The following PALM2AKAP2 variants were observed in gnomAD, a reference collection of about 807,000 sequenced individuals.
PALM2AKAP2 encodes PALM2-AKAP2 fusion protein.
PALM2AKAP2 carries 37 observed loss-of-function variants against 71.5 expected under a neutral mutation model. The observed-to-expected ratio is 0.52, with a 90% CI of 0.40 to 0.68. The LOEUF is 0.68. Ranked by LOEUF, PALM2AKAP2 falls within the 30% of genes least tolerant of loss-of-function variation. PALM2AKAP2 has a pLI of 0.00. For synonymous variants in PALM2AKAP2, 468 were observed against 478.8 expected (o/e 0.98, Z 0.29); for missense variants, 1,224 against 1,191.8 (o/e 1.03, Z -0.40).
intron 3 of PALM2AKAP2, among the ~76,000 whole-genome samples, chr9:109,918,502 G>A (rs1176465544): frequency 6.6e-6 from 1 of 152,156 alleles, no homozygotes; most frequent in Non-Finnish European, 1.5e-5. Flanking sequence ...CACAGCCTAC[G>A]GATCCTCAAT....
At chr9:109,806,207 C>T (rs1271622124) in intron 1 of PALM2AKAP2, among the ~76,000 whole-genome samples, 2 of 152,178 alleles carry the variant, frequency 1.3e-5, no homozygotes, top group African/African-American at 4.8e-5. Context: ...ATGCAGTAAA[C>T]ATAAAAACAA....
chr9:110,135,024 A>G (rs1276174039), intron 1 of PALM2AKAP2, among the ~76,000 whole-genome samples: 1 of 150,332 alleles, frequency 6.7e-6, no homozygotes, highest in African/African-American at 2.4e-5. Context: ...GTAGAAAAAT[A>G]AGATGGATGG....
chr9:110,157,665 G>T (rs1238311478), intron 3 of PALM2AKAP2, among the ~76,000 whole-genome samples: 1 of 152,148 alleles, frequency 6.6e-6, no homozygotes, highest in Non-Finnish European at 1.5e-5. Flanking sequence ...CTCCTAAAGT[G>T]CTGGGATTAC....
intron 6 of PALM2AKAP2, among the ~76,000 whole-genome samples, chr9:109,987,216 C>T (rs535283948): frequency 2.6e-5 from 4 of 152,220 alleles, no homozygotes; most frequent in South Asian, 2.1e-4. Context: ...CTACAACCTC[C>T]ACCTCCTGGA....
chr9:109,682,063 T>C (rs1030599247), intron 1 of PALM2AKAP2, among the ~76,000 whole-genome samples: 51 of 152,296 alleles, frequency 3.3e-4, no homozygotes, highest in African/African-American at 1.2e-3. Context: ...AAATCAAAAG[T>C]TTAAGAGAAT....
chr9:109,949,825 C>T (rs1235152157), intron 6 of PALM2AKAP2, among the ~76,000 whole-genome samples: 1 of 152,050 alleles, frequency 6.6e-6, no homozygotes, highest in African/African-American at 2.4e-5. Flanking sequence ...CAAGCAAAGC[C>T]CAGAAACTAT....
intron 6 of PALM2AKAP2, among the ~76,000 whole-genome samples, chr9:109,941,447 A>G (rs544654288): frequency 1.3e-5 from 2 of 152,344 alleles, no homozygotes; most frequent in African/African-American, 4.8e-5. Context: ...GCTGTAAGAA[A>G]GTAGGAAGAA....
chr9:109,691,209 A>ACACACACACG (rs1554706585), intron 1 of PALM2AKAP2, among the ~76,000 whole-genome samples: 2 of 151,880 alleles, frequency 1.3e-5, no homozygotes, highest in African/African-American at 4.8e-5. Context: ...ACACACATGC[A>ACACACACACG]CACACAGCTT....
At chr9:109,746,932 G>A (rs984064695) in intron 1 of PALM2AKAP2, among the ~76,000 whole-genome samples, 9 of 152,150 alleles carry the variant, frequency 5.9e-5, no homozygotes, top group Admixed American at 1.3e-4. Flanking sequence ...GGCAGTGCGT[G>A]TGGCAGAGAT....
intron 1 of PALM2AKAP2, among the ~76,000 whole-genome samples, chr9:109,769,957 A>G (rs1286020226): frequency 6.6e-6 from 1 of 152,176 alleles, no homozygotes; most frequent in Non-Finnish European, 1.5e-5. Flanking sequence ...AAGGCTGGGT[A>G]GACATGGAGT....
At chr9:110,058,066 C>A (rs756322192) in intron 1 of PALM2AKAP2, among the ~76,000 whole-genome samples, 5 of 152,126 alleles carry the variant, frequency 3.3e-5, no homozygotes, top group Non-Finnish European at 7.3e-5. Context: ...CTTCCACCAA[C>A]AAAGAATTAT....
chr9:110,128,678 C>G (rs916986356), intron 1 of PALM2AKAP2, among the ~76,000 whole-genome samples: 6 of 152,258 alleles, frequency 3.9e-5, no homozygotes, highest in African/African-American at 1.4e-4. Flanking sequence ...CCTAGGAGGT[C>G]GAGATGGGTT....
chr9:109,736,561 C>G (rs1220654111), intron 1 of PALM2AKAP2, among the ~76,000 whole-genome samples: 2 of 151,760 alleles, frequency 1.3e-5, no homozygotes, highest in Non-Finnish European at 2.9e-5. Flanking sequence ...CTGCCATTTT[C>G]TTTTTTTACT....
intron 3 of PALM2AKAP2, among the ~76,000 whole-genome samples, chr9:109,891,196 C>T (rs1447718648): frequency 6.6e-6 from 1 of 152,120 alleles, no homozygotes; most frequent in African/African-American, 2.4e-5. Context: ...CCACATGGCT[C>T]CTTTGTGCAA....
At chr9:110,087,514 CCAG>C (rs1301058400) in intron 1 of PALM2AKAP2, among the ~76,000 whole-genome samples, 1 of 152,144 alleles carries the variant, frequency 6.6e-6, no homozygotes, top group Non-Finnish European at 1.5e-5. Flanking sequence ...CTCTAAGGTT[CCAG>C]CCTTATCGTG....
At chr9:109,693,916 T>C (rs1827931689) in intron 1 of PALM2AKAP2, among the ~76,000 whole-genome samples, 1 of 152,010 alleles carries the variant, frequency 6.6e-6, no homozygotes, top group South Asian at 2.1e-4. Flanking sequence ...CAGTTCTGAG[T>C]AGTGTGTTCT....
At chr9:110,171,850 G>C (rs1836864077) in exon 4 of PALM2AKAP2, 1 of 152,602 alleles carries the variant, frequency 6.6e-6, no homozygotes, top group African/African-American at 2.4e-5. Context: ...CTTTCCTCCA[G>C]AGCTGATTAA....
chr9:110,109,614 C>A (rs1349995422), intron 1 of PALM2AKAP2, among the ~76,000 whole-genome samples: 1 of 152,090 alleles, frequency 6.6e-6, no homozygotes, highest in African/African-American at 2.4e-5. Flanking sequence ...TGCAAGGGGT[C>A]GCAGAGCAGC....
chr9:110,036,724 A>T (rs35155689), intron 7 of PALM2AKAP2, among the ~76,000 whole-genome samples: 12,045 of 152,162 alleles, frequency 0.079, 502 homozygotes, highest in Middle Eastern at 0.1. Flanking sequence ...GGACCTTAGG[A>T]TCTGGCTCAC....
Sources: gnomAD v4.1 joint callset for allele counts (sites outside exome capture counted in the v4.1 genomes callset) on GRCh38, gnomAD v4.1.1 for gene constraint, MANE v1.5 for transcripts, NCBI Gene and HGNC (gene_info 2026-07-23, HGNC 2026-07-21) for gene names.